ELAVL2: variants seen among roughly 807,000 people sequenced by gnomAD.
The protein encoded by ELAVL2 is ELAV like RNA binding protein 2, also known as ELAV-like protein 2.
In ELAVL2, 4 loss-of-function variants were observed where a neutral mutation model predicts 34.6. The observed-to-expected ratio is 0.12, with a 90% CI of 0.06 to 0.26. The LOEUF is 0.26. ELAVL2 is among the 10% of genes least tolerant of loss of function. ELAVL2 has a pLI of 1.00. For synonymous variants in ELAVL2, 193 were observed against 154.8 expected (o/e 1.25, Z -1.83); for missense variants, 432 against 442.8 (o/e 0.98, Z 0.22).
chr9:23,776,739 CA>C (rs34583759), intron 1 of ELAVL2, among the ~76,000 whole-genome samples: 7,282 of 77,660 alleles, frequency 0.094, 156 homozygotes, highest in Middle Eastern at 0.16. Flanking sequence ...AGTTTGCTAT[CA>C]AAAAAAAAAA....
chr9:23,825,546 C>G (rs1423360851), intron 1 of ELAVL2, among the ~76,000 whole-genome samples: 1 of 152,210 alleles, frequency 6.6e-6, no homozygotes, highest in Non-Finnish European at 1.5e-5. Flanking sequence ...TCTAACCTCC[C>G]ATTGTACCCC....
chr9:23,716,714 T>G (rs2217505), intron 3 of ELAVL2, among the ~76,000 whole-genome samples: 38,575 of 152,168 alleles, frequency 0.25, 5,028 homozygotes, highest in African/African-American at 0.31. Flanking sequence ...AATGTATAGT[T>G]AAGAAATTTT....
intron 3 of ELAVL2, among the ~76,000 whole-genome samples, chr9:23,711,091 T>C (rs2040819492): frequency 6.6e-6 from 1 of 152,116 alleles, no homozygotes. Context: ...TATTTCACAA[T>C]GGGTTGAAAA....
At chr9:23,816,565 T>C (rs902168603) in intron 1 of ELAVL2, among the ~76,000 whole-genome samples, 1 of 152,156 alleles carries the variant, frequency 6.6e-6, no homozygotes. Flanking sequence ...GGATTAAATC[T>C]ATCACTACAG....
At chr9:23,748,758 G>A (rs1310907628) in intron 2 of ELAVL2, among the ~76,000 whole-genome samples, 1 of 152,156 alleles carries the variant, frequency 6.6e-6, no homozygotes, top group Admixed American at 6.6e-5. Context: ...GGGAGGGGTT[G>A]GTCCCTAAAG....
Position 23,737,124 on chromosome 9 carries a change from A to C in ELAVL2, c.230-5999T>G, listed in dbSNP as rs1035853515. ...CTGGGGTCCATTTGGATGCTCCCTCACTAGACTGCTGAGCAAGGGCAAGCA... is the reference window on the plus strand; with the variant it reads ...CTGGGGTCCATTTGGATGCTCCCTCCCTAGACTGCTGAGCAAGGGCAAGCA... On this transcript the variant is annotated intron_variant, in intron 2 of 6. Coordinates refer to ENST00000397312, the MANE Select transcript of ELAVL2 (RefSeq NM_004432.5). Among the ~76,000 whole-genome samples, 4 of 152,160 alleles carry C rather than the reference A, an allele frequency of 2.6e-5. No homozygotes were observed. The South Asian group carries it at 8.3e-4, about 32-fold the overall frequency.
intron 3 of ELAVL2, 108 bp from the exon 4 acceptor site, chr9:23,705,179 TG>T: frequency 7.6e-7 from 1 of 1,311,216 alleles, no homozygotes; most frequent in Non-Finnish European, 1.0e-6. Flanking sequence ...CATAGAACAC[TG>T]AAGTTCAAGC....
intron 3 of ELAVL2, 114 bp downstream of exon 3, chr9:23,730,908 T>C: frequency 1.1e-6 from 1 of 922,726 alleles, no homozygotes; most frequent in Non-Finnish European, 1.6e-6. Flanking sequence ...CCACTATGTC[T>C]CCCAGGTAAC....
chr9:23,799,352 A>C (rs1026414044), intron 1 of ELAVL2, among the ~76,000 whole-genome samples: 7 of 152,158 alleles, frequency 4.6e-5, no homozygotes, highest in African/African-American at 1.7e-4. Context: ...CCCATCCCGC[A>C]TTTTAAGAGA....
intron 1 of ELAVL2, among the ~76,000 whole-genome samples, chr9:23,783,778 T>C (rs760875473): frequency 2.6e-5 from 4 of 151,590 alleles, no homozygotes; most frequent in Non-Finnish European, 5.9e-5. Context: ...AGAGATTGTA[T>C]CTGGATGACA....
At chr9:23,747,640 A>C (rs1218204416) in intron 2 of ELAVL2, among the ~76,000 whole-genome samples, 1 of 152,180 alleles carries the variant, frequency 6.6e-6, no homozygotes, top group Admixed American at 6.5e-5. Context: ...AACTCCCTAC[A>C]AACATGAGTG....
chr9:23,742,509 G>A (rs979003690), intron 2 of ELAVL2, among the ~76,000 whole-genome samples: 2 of 152,160 alleles, frequency 1.3e-5, no homozygotes, highest in African/African-American at 4.8e-5. Flanking sequence ...TCATTAAGAA[G>A]GGAATATTGG....
chr9:23,737,724 G>A (rs1587924822), intron 2 of ELAVL2, among the ~76,000 whole-genome samples: 1 of 152,114 alleles, frequency 6.6e-6, no homozygotes, highest in African/African-American at 2.4e-5. Flanking sequence ...CAGTAGTAAT[G>A]TTTTATGAAA....
At position 23,694,205 on chromosome 9, in the gene ELAVL2, C is replaced by T. The variant is rs189313424; in HGVS notation, c.714-719G>A. Among the ~76,000 whole-genome samples, 572 of 151,816 alleles carry T rather than the reference C, an allele frequency of 3.8e-3. 5 individuals carry two copies. The highest frequency in any genetic ancestry group is 0.024 in the Admixed American group (365 of 15,242). On this transcript the variant is annotated intron_variant, in intron 5 of 6. Coordinates refer to ENST00000397312, the MANE Select transcript of ELAVL2 (RefSeq NM_004432.5). Reference sequence around the variant, plus strand: ...ATTCAAATTACGCTACAGGAAGTGTCGTCCTACTCAGTTTTCAAAGGCCAG... The same window carrying T: ...ATTCAAATTACGCTACAGGAAGTGTTGTCCTACTCAGTTTTCAAAGGCCAG...
chr9:23,731,202 G>T, intron 2 of ELAVL2, 77 bp from the exon 3 acceptor site: 1 of 1,275,176 alleles, frequency 7.8e-7, no homozygotes, highest in Non-Finnish European at 1.1e-6. Flanking sequence ...TTTGGCATAT[G>T]GTCTTGTCAT....
Position 23,777,749 on chromosome 9 carries a change from C to T in ELAVL2, c.-15-15500G>A, listed in dbSNP as rs1302053409. Among the ~76,000 whole-genome samples the T allele has an allele frequency of 2.0e-5, 3 of 152,170 alleles. No individual in the cohort carries two copies. The East Asian group carries it at 5.8e-4, about 29-fold the overall frequency. The stretch of plus-strand genomic sequence containing the variant: ...GCCATCAATTAAGGAAGAACAACTG[C>T]TCTGCATCGCTGGCTACCAAGACAG... On this transcript the variant is annotated intron_variant, in intron 1 of 6. Coordinates refer to ENST00000397312, the MANE Select transcript of ELAVL2 (RefSeq NM_004432.5).
chr9:23,739,320 G>C (rs1335883416), intron 2 of ELAVL2, among the ~76,000 whole-genome samples: 1 of 152,090 alleles, frequency 6.6e-6, no homozygotes, highest in African/African-American at 2.4e-5. Context: ...CTAAAAGATA[G>C]GTCAGCAGTT....
chr9:23,795,413 C>A (rs1002633991), intron 1 of ELAVL2, among the ~76,000 whole-genome samples: 1 of 152,046 alleles, frequency 6.6e-6, no homozygotes, highest in Non-Finnish European at 1.5e-5. Context: ...TGTGGTGGTA[C>A]ATGGCTGTAG....
At chr9:23,830,601 T>TACACACACACACACACACACACACAC (rs10525135), upstream of ELAVL2, among the ~76,000 whole-genome samples, 64 of 133,170 alleles carry the variant, frequency 4.8e-4, 1 homozygote, top group East Asian at 8.7e-4. Flanking sequence ...GCCCCCCACT[T>TACACACACACACACACACACACACAC]ACACACACAC....
Sources: allele counts gnomAD v4.1 joint callset (sites outside exome capture counted in the v4.1 genomes callset), GRCh38; gene constraint gnomAD v4.1.1; transcripts MANE v1.5; gene names NCBI Gene and HGNC (gene_info 2026-07-23, HGNC 2026-07-21).